Variants in SLC2A5 observed in about 807,000 individuals in gnomAD.
SLC2A5 encodes the protein solute carrier family 2 member 5, also known as solute carrier family 2, facilitated glucose transporter member 5.
SLC2A5 carries 56 observed loss-of-function variants against 50.3 expected under a neutral mutation model. The ratio of observed to expected loss-of-function variants is 1.11; its 90% CI spans 0.90 to 1.39. The LOEUF is 1.39. SLC2A5 is among the 40% of genes most tolerant of loss of function. The pLI is 0.00. For synonymous variants in SLC2A5, 269 were observed against 281.9 expected, an observed-to-expected ratio of 0.95 and a Z score of 0.46; for missense variants, 566 against 650.1, an observed-to-expected ratio of 0.87 and a Z score of 1.41.
intron 2 of SLC2A5, among the ~76,000 whole-genome samples, chr1:9,076,836 CTG>C (rs1642288708): frequency 1.3e-5 from 2 of 150,810 alleles, no homozygotes; most frequent in Admixed American, 1.3e-4. Context: ...GTTGCCCAGA[CTG>C]GAATGCAGTG....
intron 1 of SLC2A5, among the ~76,000 whole-genome samples, chr1:9,060,211 C>T (rs963719315): frequency 6.9e-6 from 1 of 144,942 alleles, no homozygotes; most frequent in Non-Finnish European, 1.5e-5. Flanking sequence ...CACACACGCC[C>T]CTCATGTAAC....
intron 2 of SLC2A5, among the ~76,000 whole-genome samples, chr1:9,078,887 G>T (rs1229808665): frequency 1.3e-5 from 2 of 152,138 alleles, no homozygotes; most frequent in Non-Finnish European, 2.9e-5. Flanking sequence ...TTTAGATAAG[G>T]AAGGAATCAT....
chr1:9,087,792 C>A (rs1006831491), intron 1 of SLC2A5, among the ~76,000 whole-genome samples: 1 of 152,168 alleles, frequency 6.6e-6, no homozygotes. Context: ...CCACCTCCAA[C>A]TGCCCGCAAC....
chr1:9,065,910 C>T (rs1449976611), intron 1 of SLC2A5, among the ~76,000 whole-genome samples: 1 of 152,044 alleles, frequency 6.6e-6, no homozygotes, highest in African/African-American at 2.4e-5. Flanking sequence ...TGCCACTGTA[C>T]TCCTGCCTGG....
In SLC2A5 at chr1:9,036,015, T is replaced by C. The variant is rs768316313; in HGVS notation, c.*1571A>G. On this transcript the variant is annotated 3_prime_UTR_variant, in exon 12 of 12. Coordinates refer to ENST00000377424, the MANE Select transcript of SLC2A5 (RefSeq NM_003039.3). ...TCCCTCCCAGAACACATGGGAATTATGGGAGCTACAATTCAAGATGAGATT... is the reference window on the plus strand; with the variant it reads ...TCCCTCCCAGAACACATGGGAATTACGGGAGCTACAATTCAAGATGAGATT... 8 of 152,204 alleles carry C rather than the reference T, an allele frequency of 5.3e-5. No homozygotes were observed. Among genetic ancestry groups the C allele is most frequent in the Non-Finnish European group, 1.2e-4 (8 of 68,046 alleles). 9.4% of individuals were successfully genotyped at this position (152,204 alleles called of 1,614,324 possible).
chr1:9,072,413 A>T (rs984480584), upstream of SLC2A5: 1 of 152,230 alleles, frequency 6.6e-6, no homozygotes, highest in African/African-American at 2.4e-5. Context: ...TAAAAATTAA[A>T]GTTCCATCTG....
intron 9 of SLC2A5, 84 bp from the exon 10 acceptor site, chr1:9,038,590 G>T: frequency 7.6e-7 from 1 of 1,310,902 alleles, no homozygotes; most frequent in Admixed American, 1.9e-5. Context: ...CCTGGTGGGT[G>T]GAGGATGGCA....
upstream of SLC2A5, chr1:9,072,457 G>A (rs1203640081): frequency 6.6e-6 from 1 of 152,300 alleles, no homozygotes; most frequent in Non-Finnish European, 1.5e-5. Context: ...GGGGACAAGA[G>A]ACCGCTGGAT....
intron 3 of SLC2A5, among the ~76,000 whole-genome samples, chr1:9,053,654 A>G (rs989801169): frequency 6.9e-6 from 1 of 144,490 alleles, no homozygotes; most frequent in Admixed American, 7.7e-5. Context: ...CAGGCAGATC[A>G]CTTGAGGTCA....
At chr1:9,084,268 G>A (rs1404988033) in intron 2 of SLC2A5, among the ~76,000 whole-genome samples, 1 of 152,144 alleles carries the variant, frequency 6.6e-6, no homozygotes, top group East Asian at 1.9e-4. Context: ...CTTTTTCCAG[G>A]AATCTTCATA....
chr1:9,052,842 A>AC (rs376285900), intron 3 of SLC2A5, among the ~76,000 whole-genome samples: 17 of 151,152 alleles, frequency 1.1e-4, no homozygotes, highest in African/African-American at 3.9e-4. Flanking sequence ...ACATAGCAAG[A>AC]CCCCATCCCT....
At chr1:9,065,969 A>G (rs1447847608) in intron 1 of SLC2A5, among the ~76,000 whole-genome samples, 1 of 152,198 alleles carries the variant, frequency 6.6e-6, no homozygotes, top group Non-Finnish European at 1.5e-5. Flanking sequence ...TTTTGAGGAT[A>G]ATGATACCAC....
intron 3 of SLC2A5, among the ~76,000 whole-genome samples, chr1:9,050,778 A>T (rs1467207016): frequency 6.6e-6 from 1 of 152,208 alleles, no homozygotes; most frequent in Non-Finnish European, 1.5e-5. Context: ...ACAAAAAGGG[A>T]AGTTGGGTAA....
intron 2 of SLC2A5, among the ~76,000 whole-genome samples, chr1:9,077,447 ACCC>A (rs35830189): frequency 6.9e-6 from 1 of 144,884 alleles, no homozygotes; most frequent in African/African-American, 2.6e-5. Context: ...CAAAAAAAAA[ACCC>A]CCAGAAAAGT....
At chr1:9,046,191 G>A (rs1367670586) in intron 4 of SLC2A5, among the ~76,000 whole-genome samples, 2 of 152,070 alleles carry the variant, frequency 1.3e-5, no homozygotes, top group African/African-American at 2.4e-5. Context: ...CTCCCTCAAG[G>A]GGCCCACTCT....
intron 2 of SLC2A5, among the ~76,000 whole-genome samples, chr1:9,081,517 A>G (rs1642353482): frequency 6.6e-6 from 1 of 151,448 alleles, no homozygotes; most frequent in African/African-American, 2.4e-5. Context: ...TAGAAGAAAA[A>G]TTTTTGCAAA....
At position 9,039,570 on chromosome 1, in the gene SLC2A5, C is replaced by T. The variant is rs955296683; in HGVS notation, c.978G>A (p.Val326=). 6.4e-7 allele frequency: 1 copy of T among 1,574,416 alleles called. No individual in the cohort carries two copies. Among genetic ancestry groups the T allele is most frequent in the Non-Finnish European group, 8.6e-7 (1 of 1,161,086 alleles). ...CACTCACGGCGCAGAAGGTCATGACCACGTTCACGGCCCCGGTGCCGGCCG... is the reference window on the plus strand; with the variant it reads ...CACTCACGGCGCAGAAGGTCATGACTACGTTCACGGCCCCGGTGCCGGCCG... The part of the protein sequence containing the change: ...YVTAGTGAVN[V]VMTFCAVFVV... The change falls in exon 8 of 12, where the codon GTG becomes GTA. Residue 326 remains valine (V), a synonymous_variant. Transcript: ENST00000377424.
Position 9,038,506 on chromosome 1 carries a change from C to A in SLC2A5, c.1099G>T (p.Asp367Tyr). The stretch of plus-strand genomic sequence containing the variant: ...ATGTATGGCATCCAGGACACTGTGT[C>A]CTGTGGAGAGAAAGCAGTTGGTTCA... ...CVLTAALALQ[D>Y]TVSWMPYISI... Residue 367 changes from aspartate to tyrosine, a missense_variant and splice_region_variant, in exon 10 of 12, where the codon GAC becomes TAC. Asp to Tyr is a radical substitution (Grantham distance 160). Coordinates refer to ENST00000377424, the MANE Select transcript of SLC2A5 (RefSeq NM_003039.3). 4.3e-6 allele frequency: 7 copies of A among 1,612,274 alleles called. No homozygotes were observed. The highest frequency in any genetic ancestry group is 5.9e-6 in the Non-Finnish European group (7 of 1,178,824).
At chr1:9,069,656 AT>A, upstream of SLC2A5, 1 of 1,033,070 alleles carries the variant, frequency 9.7e-7, no homozygotes, top group Non-Finnish European at 1.5e-6. Flanking sequence ...AGCCAATAGC[AT>A]TTTTATAGCC....
Sources: allele counts gnomAD v4.1 joint callset (sites outside exome capture counted in the v4.1 genomes callset), GRCh38; gene constraint gnomAD v4.1.1; transcripts MANE v1.5; gene names NCBI Gene and HGNC (gene_info 2026-07-23, HGNC 2026-07-21).